The following FUT8 variants were observed in gnomAD, a reference collection of about 807,000 sequenced individuals.
FUT8 encodes alpha-(1,6)-fucosyltransferase.
Under a neutral mutation model 71.3 loss-of-function variants are expected in FUT8, and 29 were observed. The observed-to-expected ratio is 0.41, with a 90% CI of 0.30 to 0.55. The LOEUF (loss-of-function observed/expected upper bound fraction) is 0.55, where lower values mean the gene tolerates loss of function less well. Ranked by LOEUF, FUT8 falls within the 20% of genes least tolerant of loss-of-function variation. The pLI is 0.34. For synonymous variants in FUT8, 254 were observed against 239.3 expected, an observed-to-expected ratio of 1.06 and a Z score of -0.57; for missense variants, 544 against 702.1, an observed-to-expected ratio of 0.77 and a Z score of 2.55.
Position 65,669,419 on chromosome 14 carries a change from AT to A in FUT8, c.777del (p.Phe259LeufsTer4), listed in dbSNP as rs770013858. On this transcript the variant is annotated frameshift_variant, in exon 7 of 11. Coordinates refer to ENST00000673929, the MANE Select transcript of FUT8 (RefSeq NM_001371533.1). LOFTEE classifies it high-confidence loss of function. This position sits in a 1 kb window ranked among gnomAD's most constrained non-coding sequence, Gnocchi z 4.5. Reference sequence around the variant, plus strand: ...ATGCTACTGGTGGATGGGAGACTGTATTTAGGCCTGTAAGTGAGACATGCAC... The same window carrying A: ...ATGCTACTGGTGGATGGGAGACTGTATTAGGCCTGTAAGTGAGACATGCAC... ...RYATGGWETV[F>X]RPVSETCTDR... The A allele has an allele frequency of 6.2e-7, 1 of 1,613,752 alleles. No individual in the cohort carries two copies. Among genetic ancestry groups the A allele is most frequent in the South Asian group, 1.1e-5 (1 of 91,082 alleles).
intron 7 of FUT8, among the ~76,000 whole-genome samples, chr14:65,677,370 T>C (rs1892814633): frequency 6.6e-6 from 1 of 152,088 alleles, no homozygotes; most frequent in Non-Finnish European, 1.5e-5. Flanking sequence ...TTGAAAATAA[T>C]TAGAGTTGAG....
intron 1 of FUT8, among the ~76,000 whole-genome samples, chr14:65,418,950 C>T (rs1010957595): frequency 1.5e-4 from 23 of 152,024 alleles, no homozygotes; most frequent in East Asian, 1.9e-4. Flanking sequence ...TTTTATAGGC[C>T]GGGCGCGGTG....
intron 3 of FUT8, among the ~76,000 whole-genome samples, chr14:65,611,941 G>A (rs987109339): frequency 3.3e-5 from 5 of 152,182 alleles, no homozygotes; most frequent in East Asian, 3.8e-4. Flanking sequence ...GATTACAGGC[G>A]TGAGCCACCG....
intron 3 of FUT8, among the ~76,000 whole-genome samples, chr14:65,596,837 G>A (rs1335966388): frequency 6.6e-6 from 1 of 152,102 alleles, no homozygotes; most frequent in Non-Finnish European, 1.5e-5. Flanking sequence ...AACACTTACT[G>A]TGATATGTAG....
chr14:65,516,379 G>C (rs980506468), intron 2 of FUT8: 2 of 152,146 alleles, frequency 1.3e-5, no homozygotes, highest in African/African-American at 4.8e-5. Context: ...CTTCTGTCGA[G>C]AAAATGGAGG....
At chr14:65,605,346 A>G (rs1888524977) in intron 3 of FUT8, among the ~76,000 whole-genome samples, 1 of 151,850 alleles carries the variant, frequency 6.6e-6, no homozygotes, top group South Asian at 2.1e-4. Flanking sequence ...TCCCCCACCC[A>G]TCCAGATTCA....
intron 3 of FUT8, among the ~76,000 whole-genome samples, chr14:65,596,165 C>G (rs1191843673): frequency 6.6e-6 from 1 of 151,698 alleles, no homozygotes; most frequent in Non-Finnish European, 1.5e-5. Flanking sequence ...GTTTTTTTAC[C>G]CTTTTGGAAT....
At chr14:65,458,258 C>T (rs1222689075) in intron 2 of FUT8, 2 of 151,942 alleles carry the variant, frequency 1.3e-5, no homozygotes, top group South Asian at 2.1e-4. Flanking sequence ...TCTCTTCCCT[C>T]AGTAGACCAG....
intron 6 of FUT8, among the ~76,000 whole-genome samples, chr14:65,655,882 C>T (rs975233462): frequency 1.1e-4 from 17 of 152,106 alleles, no homozygotes; most frequent in Non-Finnish European, 2.5e-4. Context: ...TCAATTGATG[C>T]TGAAAAGCAT....
the FUT8 span, among the ~76,000 whole-genome samples, chr14:65,372,898 C>A: frequency 6.6e-6 from 1 of 152,162 alleles, no homozygotes; most frequent in African/African-American, 2.4e-5. Flanking sequence ...TCCTCACATA[C>A]CTGGTGTGTT....
intron 3 of FUT8, among the ~76,000 whole-genome samples, chr14:65,562,707 A>G (rs1885980855): frequency 6.6e-6 from 1 of 151,492 alleles, no homozygotes; most frequent in African/African-American, 2.4e-5. Flanking sequence ...GGTATAGAGA[A>G]AGAGCTGAAA....
rs2066364243 is a variant in FUT8, at chr14:65,483,603, T to C, written c.-228+27885T>C. On this transcript the variant is annotated intron_variant, in intron 2 of 10. Coordinates refer to ENST00000673929, the MANE Select transcript of FUT8 (RefSeq NM_001371533.1). The surrounding 1 kb of genome is among the most constrained non-coding windows in gnomAD (Gnocchi z 4.4). The stretch of plus-strand genomic sequence containing the variant: ...TGTCTCCATTTATTTGGATGTTTAA[T>C]TTCTTTCAGCAGTATTTTATTGTTT... Among the ~76,000 whole-genome samples the C allele has an allele frequency of 6.6e-6, 1 of 152,216 alleles. No individual in the cohort carries two copies. Among genetic ancestry groups the C allele is most frequent in the Admixed American group, 6.5e-5 (1 of 15,278 alleles).
chr14:65,387,711 T>C, the FUT8 span, among the ~76,000 whole-genome samples: 53 of 152,346 alleles, frequency 3.5e-4, no homozygotes, highest in East Asian at 9.4e-3. Context: ...TTCCAGGCAG[T>C]GAGCTGGGGC....
At chr14:65,406,092 T>C (rs17181043), upstream of FUT8, among the ~76,000 whole-genome samples, 2,073 of 152,312 alleles carry the variant, frequency 0.014, 19 homozygotes, top group Admixed American at 0.026. Flanking sequence ...AAAATACAGG[T>C]CGATGGTCTG....
chr14:65,474,232 A>C (rs1470694035), intron 2 of FUT8, among the ~76,000 whole-genome samples: 2 of 151,718 alleles, frequency 1.3e-5, no homozygotes, highest in Non-Finnish European at 2.9e-5. Flanking sequence ...AAAATCTCAG[A>C]CTTCACCACT....
intron 2 of FUT8, among the ~76,000 whole-genome samples, chr14:65,515,157 G>A (rs1234228986): frequency 6.6e-6 from 1 of 152,106 alleles, no homozygotes. Flanking sequence ...GAATCTGAAT[G>A]TCAAATTGCT....
chr14:65,478,850 C>T (rs751987036), intron 2 of FUT8, among the ~76,000 whole-genome samples: 1 of 152,198 alleles, frequency 6.6e-6, no homozygotes, highest in Non-Finnish European at 1.5e-5. Flanking sequence ...GTTCAGAGTG[C>T]TGCCTAATTG....
chr14:65,559,306 G>T (rs1885776514), intron 2 of FUT8, among the ~76,000 whole-genome samples: 1 of 152,052 alleles, frequency 6.6e-6, no homozygotes, highest in Admixed American at 6.6e-5. Context: ...TAGTATTCTT[G>T]ATTCAGCCAA....
chr14:65,642,329 G>A (rs764394317), intron 6 of FUT8, among the ~76,000 whole-genome samples: 5 of 152,102 alleles, frequency 3.3e-5, no homozygotes, highest in Non-Finnish European at 5.9e-5. Flanking sequence ...ACTGCTGGGC[G>A]CAGTGGCTCA....
Sources: gnomAD v4.1 joint callset for allele counts (sites outside exome capture counted in the v4.1 genomes callset) on GRCh38, gnomAD v4.1.1 for gene constraint, Gnocchi (gnomAD v3.1) non-coding constraint, MANE v1.5 for transcripts, NCBI Gene and HGNC (gene_info 2026-07-23, HGNC 2026-07-21) for gene names.